The following PLD5 variants were observed in gnomAD, a reference collection of about 807,000 sequenced individuals.
The protein encoded by PLD5 is inactive phospholipase D5.
PLD5 carries 36 observed loss-of-function variants against 61.1 expected under a neutral mutation model. The ratio of observed to expected loss-of-function variants is 0.59; its 90% confidence interval spans 0.45 to 0.78. The LOEUF (loss-of-function observed/expected upper bound fraction) is 0.78. Ranked by LOEUF, PLD5 falls within the 30% of genes least tolerant of loss-of-function variation. The probability of loss-of-function intolerance (pLI) is 0.00; values close to 1 mark genes in which losing one functional copy is unlikely to be tolerated. For missense variants in PLD5, 515 were observed against 644.4 expected (o/e 0.80, Z 2.17); for synonymous variants, 243 against 242.8 (o/e 1.00, Z -0.01).
At chr1:242,142,716 C>G (rs1020575136) in intron 5 of PLD5, among the ~76,000 whole-genome samples, 54 of 83,888 alleles carry the variant, frequency 6.4e-4, no homozygotes, top group African/African-American at 3.3e-3. Context: ...CTGTGTCTTT[C>G]TCTCTCTCTC....
Position 242,256,278 on chromosome 1 carries a change from G to A in PLD5, c.607+9059C>T, listed in dbSNP as rs1276614485. On this transcript the variant is annotated intron_variant, in intron 4 of 9. Transcript: ENST00000536534. This position sits in a 1 kb window ranked among gnomAD's most constrained non-coding sequence, Gnocchi z 5.7. ...TTGCCTTTATAAACAAAAAGTAACAGAAAGGAAACAATATGGATAAAAAGA... is the reference window on the plus strand; with the variant it reads ...TTGCCTTTATAAACAAAAAGTAACAAAAAGGAAACAATATGGATAAAAAGA... Among the ~76,000 whole-genome samples, 3 of 152,164 alleles carry A rather than the reference G, an allele frequency of 2.0e-5. No individual in the cohort carries two copies. Among genetic ancestry groups the A allele is most frequent in the Non-Finnish European group, 2.9e-5 (2 of 68,034 alleles).
At chr1:242,273,812 T>A (rs1275100809) in intron 3 of PLD5, among the ~76,000 whole-genome samples, 1 of 152,164 alleles carries the variant, frequency 6.6e-6, no homozygotes, top group Non-Finnish European at 1.5e-5. Context: ...ACTGTGAAGA[T>A]GGAGCAGGAA....
intron 1 of PLD5, among the ~76,000 whole-genome samples, chr1:242,454,282 G>A (rs959488212): frequency 6.7e-6 from 1 of 149,552 alleles, no homozygotes; most frequent in South Asian, 2.1e-4. Flanking sequence ...GCAGTGAGCC[G>A]AGATCATGCA....
chr1:242,465,276 C>A (rs540244666), intron 1 of PLD5, among the ~76,000 whole-genome samples: 2 of 152,322 alleles, frequency 1.3e-5, no homozygotes, highest in African/African-American at 4.8e-5. Flanking sequence ...AGAAGCCGAA[C>A]CTTTCTCACC....
chr1:242,160,068 G>A (rs2148841293), intron 5 of PLD5, among the ~76,000 whole-genome samples: 1 of 151,992 alleles, frequency 6.6e-6, no homozygotes, highest in South Asian at 2.1e-4. Context: ...CTGAAATGCA[G>A]TGACACAGTC....
At chr1:242,348,339 G>A (rs1423336980) in intron 1 of PLD5, 97 bp from the exon 2 acceptor site, 1 of 1,326,992 alleles carries the variant, frequency 7.5e-7, no homozygotes, top group African/African-American at 1.5e-5. Flanking sequence ...TGAAAAATGG[G>A]TGGGGATACG....
chr1:242,422,225 G>A (rs1279848871), intron 1 of PLD5, among the ~76,000 whole-genome samples: 1 of 150,648 alleles, frequency 6.6e-6, no homozygotes, highest in Admixed American at 6.6e-5. Flanking sequence ...AGGGCAGGAG[G>A]AGAAGGGAAC....
chr1:242,334,566 C>T (rs1035437846), intron 2 of PLD5, among the ~76,000 whole-genome samples: 18 of 152,232 alleles, frequency 1.2e-4, no homozygotes, highest in African/African-American at 4.1e-4. Context: ...GTAGGCAGCC[C>T]TCATCGCAGC....
intron 5 of PLD5, among the ~76,000 whole-genome samples, chr1:242,213,253 G>C (rs767271023): frequency 6.6e-6 from 1 of 152,162 alleles, no homozygotes; most frequent in Non-Finnish European, 1.5e-5. Flanking sequence ...TCATTGGAAA[G>C]TGCTTCCTCA....
chr1:242,268,230 C>T (rs1345419699), intron 3 of PLD5, among the ~76,000 whole-genome samples: 3 of 152,164 alleles, frequency 2.0e-5, no homozygotes, highest in South Asian at 2.1e-4. Context: ...CCAGATTTCC[C>T]GAACCTAAAC....
chr1:242,194,547 T>G (rs1668479198), intron 5 of PLD5, among the ~76,000 whole-genome samples: 1 of 151,998 alleles, frequency 6.6e-6, no homozygotes, highest in Non-Finnish European at 1.5e-5. Context: ...AACAAGTGGA[T>G]AAACTGTGAG....
At chr1:242,382,128 C>CAAAAAAAAAA (rs34582650) in intron 1 of PLD5, among the ~76,000 whole-genome samples, 69 of 125,580 alleles carry the variant, frequency 5.5e-4, no homozygotes, top group Admixed American at 1.3e-3. Context: ...ACTTTGACAG[C>CAAAAAAAAAA]AAAAAAAAAA....
At chr1:242,381,862 G>A (rs959240828) in intron 1 of PLD5, among the ~76,000 whole-genome samples, 2 of 152,154 alleles carry the variant, frequency 1.3e-5, no homozygotes, top group African/African-American at 4.8e-5. Context: ...CAGATCTATT[G>A]CTCTGGCTGT....
intron 1 of PLD5, among the ~76,000 whole-genome samples, chr1:242,444,420 A>G (rs1383338491): frequency 6.6e-6 from 1 of 151,806 alleles, no homozygotes. Flanking sequence ...CATTTGATCA[A>G]TGTGGTTACA....
intron 1 of PLD5, among the ~76,000 whole-genome samples, chr1:242,469,088 A>T (rs773792084): frequency 6.6e-5 from 10 of 152,246 alleles, no homozygotes; most frequent in Non-Finnish European, 1.2e-4. Flanking sequence ...CTGGAAATGG[A>T]CATCTGGATT....
intron 2 of PLD5, among the ~76,000 whole-genome samples, chr1:242,325,932 G>C (rs546241404): frequency 6.6e-6 from 1 of 152,188 alleles, no homozygotes; most frequent in East Asian, 1.9e-4. Flanking sequence ...CTGTCACCCA[G>C]CCTGTAGTGC....
In PLD5 at chr1:242,256,797, TTAA is replaced by T. The variant is rs1317292176; in HGVS notation, c.607+8537_607+8539del. ...ATCTATCTATCTATCTATCTATCTA[TTAA>T]TATCTATCTTTCTATGTATCTGTCA... is the stretch of plus-strand genomic sequence containing the variant. On this transcript the variant is annotated intron_variant, in intron 4 of 9. Coordinates refer to ENST00000536534, the MANE Select transcript of PLD5 (RefSeq NM_001372062.1). This position sits in a 1 kb window ranked among gnomAD's most constrained non-coding sequence, Gnocchi z 5.7. Among the ~76,000 whole-genome samples the T allele has an allele frequency of 6.6e-6, 1 of 150,886 alleles. No homozygotes were observed. Among genetic ancestry groups the T allele is most frequent in the Non-Finnish European group, 1.5e-5 (1 of 67,390 alleles).
intron 1 of PLD5, among the ~76,000 whole-genome samples, chr1:242,417,776 G>A (rs1339399621): frequency 1.3e-5 from 2 of 152,178 alleles, no homozygotes; most frequent in Non-Finnish European, 2.9e-5. Context: ...GCCAGTACGG[G>A]GGATGGTGGT....
chr1:242,191,753 G>A (rs1276388910), intron 5 of PLD5, among the ~76,000 whole-genome samples: 1 of 151,950 alleles, frequency 6.6e-6, no homozygotes, highest in Non-Finnish European at 1.5e-5. Flanking sequence ...AGGAGAAAAT[G>A]CAGACAGGAC....
Sources: allele counts gnomAD v4.1 joint callset (sites outside exome capture counted in the v4.1 genomes callset), GRCh38; gene constraint gnomAD v4.1.1; non-coding constraint Gnocchi (gnomAD v3.1); transcripts MANE v1.5; gene names NCBI Gene and HGNC (gene_info 2026-07-23, HGNC 2026-07-21).